Variants in MCM3 observed in about 807,000 individuals in gnomAD.
MCM3 encodes DNA replication licensing factor MCM3.
Under a neutral mutation model 91.3 loss-of-function variants are expected in MCM3, and 59 were observed. The ratio of observed to expected loss-of-function variants is 0.65; its 90% CI spans 0.52 to 0.80. The LOEUF (loss-of-function observed/expected upper bound fraction) is 0.80, where lower values mean the gene tolerates loss of function less well. MCM3 is among the 30% of genes least tolerant of loss of function. The pLI is 0.00. For missense variants in MCM3, 919 were observed against 1,035.4 expected (o/e 0.89, Z 1.54); for synonymous variants, 383 against 379.6 (o/e 1.01, Z -0.10).
intron 14 of MCM3, among the ~76,000 whole-genome samples, chr6:52,267,492 C>T (rs1375664645): frequency 1.3e-5 from 2 of 150,812 alleles, no homozygotes; most frequent in African/African-American, 4.9e-5. Context: ...ACCTTCTACC[C>T]TCTACTTCTC....
chr6:52,281,681 A>C (rs1766109829), intron 4 of MCM3, among the ~76,000 whole-genome samples: 1 of 152,110 alleles, frequency 6.6e-6, no homozygotes, highest in Non-Finnish European at 1.5e-5. Flanking sequence ...GTCTCTAAAA[A>C]AAAAAATAAG....
chr6:52,276,100 A>ATGGG (rs2128280583), intron 9 of MCM3, 168 bp downstream of exon 9: 2 of 627,530 alleles, frequency 3.2e-6, no homozygotes, highest in Admixed American at 6.0e-5. Flanking sequence ...CTGTGCAGGA[A>ATGGG]TGGGTGAGGA....
In MCM3 at chr6:52,272,356, G is replaced by A; in HGVS notation, c.1772C>T (p.Ala591Val). The A allele has an allele frequency of 6.2e-7, 1 of 1,614,166 alleles. No homozygotes were observed. Among genetic ancestry groups the A allele is most frequent in the African/African-American group, 1.3e-5 (1 of 75,028 alleles). ...VLTQESATYIAEEYSRLRSQD... is the reference protein window; with the variant it reads ...VLTQESATYIVEEYSRLRSQD... ...GCTGCGCAGGCGTGAATACTCTTCT[G>A]CAATGTAGGTGGCCGACTCCTGTGT... The change falls in exon 12 of 17, where the codon GCA (alanine) becomes GTA (valine). Residue 591 changes from alanine (A) to valine (V), a missense_variant. By Grantham distance (64) the Ala-to-Val change is moderately conservative. This residue lies in a region of MCM3 where 285 missense variants were observed against 311.4 expected (regional missense o/e 0.92). Transcript: ENST00000596288.
intron 12 of MCM3, among the ~76,000 whole-genome samples, chr6:52,272,034 T>G (rs969978314): frequency 6.6e-6 from 1 of 152,220 alleles, no homozygotes; most frequent in African/African-American, 2.4e-5. Context: ...ACTAGGTCAC[T>G]TCCCAGAAGT....
intron 4 of MCM3, among the ~76,000 whole-genome samples, chr6:52,280,927 G>A (rs753284402): frequency 5.9e-5 from 9 of 152,178 alleles, no homozygotes; most frequent in Non-Finnish European, 1.0e-4. Flanking sequence ...ATATTCATTC[G>A]TTTTTGTTTA....
intron 4 of MCM3, among the ~76,000 whole-genome samples, chr6:52,281,551 AT>A (rs1409018535): frequency 6.6e-6 from 1 of 152,094 alleles, no homozygotes; most frequent in Non-Finnish European, 1.5e-5. Flanking sequence ...CTGGTGGTGC[AT>A]GCCTATAATC....
rs1764651052 is a variant in MCM3, at chr6:52,266,494, C to T, written c.2158+117G>A. 4.4e-6 allele frequency: 4 copies of T among 913,964 alleles called. No individual in the cohort carries two copies. In the East Asian group the frequency reaches 7.2e-5, roughly 16 times the overall value. 56.6% of individuals were successfully genotyped at this position (913,964 alleles called of 1,614,324 possible). ...TTGGGACAAACCTCTTGGACATAGG[C>T]CCCAAGCAGGGAGCCAAACAAACAG... On this transcript the variant is annotated intron_variant, in intron 15 of 16. Coordinates refer to ENST00000596288, the MANE Select transcript of MCM3 (RefSeq NM_002388.6).
chr6:52,280,192 A>C (rs1765961735), intron 4 of MCM3, among the ~76,000 whole-genome samples: 1 of 152,222 alleles, frequency 6.6e-6, no homozygotes, highest in Admixed American at 6.5e-5. Flanking sequence ...GGTTACCCCT[A>C]GGTAACATGA....
At chr6:52,272,518 T>C in intron 11 of MCM3, 67 bp from the exon 12 acceptor site, 1 of 1,587,030 alleles carries the variant, frequency 6.3e-7, no homozygotes, top group Non-Finnish European at 8.6e-7. Context: ...TTAGTGGCTT[T>C]GCCTCTCAGA....
At position 52,264,498 on chromosome 6, in the gene MCM3, G is replaced by A; in HGVS notation, c.*90C>T. On this transcript the variant is annotated 3_prime_UTR_variant, in exon 17 of 17. Coordinates refer to ENST00000596288, the MANE Select transcript of MCM3 (RefSeq NM_002388.6). ...TTCAGTTGAATTCAACACTGTTAAG[G>A]GAGTAGAGGCAAAGACTTGGGTCAG... 1.5e-6 allele frequency: 2 copies of A among 1,369,930 alleles called. No homozygotes were observed. The highest frequency in any genetic ancestry group is 2.1e-6 in the Non-Finnish European group (2 of 967,518). 84.9% of individuals were successfully genotyped at this position (1,369,930 alleles called of 1,614,324 possible).
chr6:52,267,121 C>T lies in MCM3; in HGVS notation c.2073-425G>A, dbSNP rs9382086. Among the ~76,000 whole-genome samples the T allele has an allele frequency of 1.1e-3, 55 of 50,480 alleles. No individual in the cohort carries two copies. The East Asian group carries it at 0.023, about 21-fold the overall frequency. 33.1% of individuals were successfully genotyped at this position (50,480 alleles called of 152,430 possible). A position where few individuals can be genotyped will look rare whatever the true frequency, so the allele number is the denominator to read the frequency against. Reference sequence around the variant, plus strand: ...CTTTTTTTTTTTTTTTTGAGACGGACGGAGTCTCACTCTGTCACCCAGGCT... The same window carrying T: ...CTTTTTTTTTTTTTTTTGAGACGGATGGAGTCTCACTCTGTCACCCAGGCT... On this transcript the variant is annotated intron_variant, in intron 14 of 16. Coordinates refer to ENST00000596288, the MANE Select transcript of MCM3 (RefSeq NM_002388.6).
intron 4 of MCM3, 26 bp from the exon 5 acceptor site, chr6:52,279,625 G>T: frequency 6.5e-7 from 1 of 1,543,370 alleles, no homozygotes; most frequent in Non-Finnish European, 8.9e-7. Flanking sequence ...CAGAGGGACA[G>T]AGTGATCTCC....
chr6:52,277,450 T>C (rs1017047496), intron 7 of MCM3, 85 bp downstream of exon 7: 2 of 1,381,682 alleles, frequency 1.4e-6, no homozygotes, highest in African/African-American at 2.9e-5. Flanking sequence ...TACTGCTAAG[T>C]ACAGAATATA....
At chr6:52,277,514 A>G (rs758961888) in intron 7 of MCM3, 21 bp downstream of exon 7, 1 of 1,603,494 alleles carries the variant, frequency 6.2e-7, no homozygotes, top group Non-Finnish European at 8.5e-7. Flanking sequence ...AACAGTCTAA[A>G]GCAAATCCCC....
intron 14 of MCM3, among the ~76,000 whole-genome samples, chr6:52,267,165 C>A (rs1219000404): frequency 7.2e-6 from 1 of 138,226 alleles, no homozygotes; most frequent in South Asian, 2.4e-4. Context: ...GTGGTGTGAT[C>A]TCCACTCACT....
Position 52,283,428 on chromosome 6 carries a change from T to A in MCM3, c.79-22A>T, listed in dbSNP as rs201305336. On this transcript the variant is annotated intron_variant, in intron 1 of 16. Coordinates refer to ENST00000596288, the MANE Select transcript of MCM3 (RefSeq NM_002388.6). ...CTTCCTGCAAAACAGCCACCACATA[T>A]CACCATAGCCACAAATTTAAAAACA... 4 of 1,481,640 alleles carry A rather than the reference T, an allele frequency of 2.7e-6. No individual in the cohort carries two copies. The East Asian group carries it at 9.0e-5, about 33-fold the overall frequency. The allele number at this position is 1,481,640 out of a possible 1,614,324, so 91.8% of individuals were successfully genotyped here. A position where few individuals can be genotyped will look rare whatever the true frequency, so the allele number is the denominator to read the frequency against.
intron 6 of MCM3, 143 bp downstream of exon 6, chr6:52,278,599 C>A (rs1765789570): frequency 1.7e-6 from 1 of 574,086 alleles, no homozygotes; most frequent in Admixed American, 3.2e-5. Context: ...AAACACCCTT[C>A]ATTTGTTGAT....
intron 2 of MCM3, 47 bp downstream of exon 2, chr6:52,283,247 A>C: frequency 6.7e-7 from 1 of 1,495,572 alleles, no homozygotes; most frequent in East Asian, 2.3e-5. Context: ...GCCAAGAGGG[A>C]AGGGAGCCAT....
rs962594336 is a variant in MCM3, at chr6:52,282,779, C to T, written c.274G>A (p.Ala92Thr). 2 of 1,614,046 alleles carry T rather than the reference C, an allele frequency of 1.2e-6. No individual in the cohort carries two copies. Among genetic ancestry groups the T allele is most frequent in the Middle Eastern group, 1.7e-4 (1 of 6,044 alleles). ...ACGTAGAACTCCTCATACTGCTTGGCATAGGTAGCATCAATGGAGGCCACA... is the reference window on the plus strand; with the variant it reads ...ACGTAGAACTCCTCATACTGCTTGGTATAGGTAGCATCAATGGAGGCCACA... ...DFVASIDATY[A>T]KQYEEFYVGL... Residue 92 changes from alanine to threonine, a missense_variant, in exon 3 of 17, where the codon GCC (alanine) becomes ACC (threonine). By Grantham distance (58) the Ala-to-Thr change is moderately conservative. This residue lies in a region of MCM3 where 401 missense variants were observed against 402.7 expected (regional missense o/e 1.00). Coordinates refer to ENST00000596288, the MANE Select transcript of MCM3 (RefSeq NM_002388.6).
Sources: gnomAD v4.1 joint callset for allele counts (sites outside exome capture counted in the v4.1 genomes callset) on GRCh38, gnomAD v4.1.1 for gene constraint, gnomAD v4.1.1 regional missense constraint, MANE v1.5 for transcripts, NCBI Gene and HGNC (gene_info 2026-07-23, HGNC 2026-07-21) for gene names.